CORIN: variants seen among roughly 807,000 people sequenced by gnomAD.
CORIN encodes corin, serine peptidase, also known as atrial natriuretic peptide-converting enzyme.
CORIN carries 117 observed loss-of-function variants against 125.3 expected under a neutral mutation model. The ratio of observed to expected loss-of-function variants is 0.93; its 90% CI spans 0.80 to 1.09. The LOEUF (loss-of-function observed/expected upper bound fraction) is 1.09. Among genes scored for constraint, CORIN ranks in the 50% least tolerant of loss-of-function variants. The pLI is 0.00. For synonymous variants in CORIN, 450 were observed against 466.4 expected (o/e 0.96, Z 0.45); for missense variants, 1,253 against 1,306.7 (o/e 0.96, Z 0.63).
intron 4 of CORIN, among the ~76,000 whole-genome samples, chr4:47,754,617 A>C (rs1028125673): frequency 1.3e-5 from 2 of 152,032 alleles, no homozygotes; most frequent in African/African-American, 4.8e-5. Context: ...TGTTTAAGCA[A>C]AGACCAATCC....
chr4:47,758,204 C>A (rs576050853), intron 4 of CORIN, among the ~76,000 whole-genome samples: 3 of 151,880 alleles, frequency 2.0e-5, no homozygotes, highest in African/African-American at 4.8e-5. Context: ...TGAGCCACCA[C>A]GCCCAGCCTG....
At chr4:47,709,715 T>G (rs1196816328) in intron 5 of CORIN, among the ~76,000 whole-genome samples, 2 of 152,228 alleles carry the variant, frequency 1.3e-5, no homozygotes, top group African/African-American at 4.8e-5. Flanking sequence ...TCTTACTCAA[T>G]GTTTTGAAAA....
chr4:47,678,322 TA>T (rs1381816568), intron 8 of CORIN, among the ~76,000 whole-genome samples: 1 of 152,234 alleles, frequency 6.6e-6, no homozygotes, highest in African/African-American at 2.4e-5. Context: ...TGACAATTTG[TA>T]AAGGGTTCAT....
intron 13 of CORIN, among the ~76,000 whole-genome samples, chr4:47,649,771 C>T (rs762644845): frequency 6.6e-6 from 1 of 152,156 alleles, no homozygotes; most frequent in Non-Finnish European, 1.5e-5. Context: ...AGAAAATTTC[C>T]CCCTTAACAT....
intron 5 of CORIN, among the ~76,000 whole-genome samples, chr4:47,741,421 A>G (rs1020302141): frequency 6.6e-6 from 1 of 152,070 alleles, no homozygotes. Flanking sequence ...AGCTATAAAC[A>G]AAAGAGACAA....
chr4:47,829,921 G>A (rs1463360281), intron 1 of CORIN, among the ~76,000 whole-genome samples: 1 of 152,124 alleles, frequency 6.6e-6, no homozygotes, highest in Non-Finnish European at 1.5e-5. Context: ...GGATCTAAAA[G>A]GTTAACTGAC....
chr4:47,649,313 T>C (rs1372270963), intron 13 of CORIN, among the ~76,000 whole-genome samples: 2 of 152,234 alleles, frequency 1.3e-5, no homozygotes, highest in South Asian at 2.1e-4. Context: ...ACCATCCATC[T>C]ACCTGAGTTT....
intron 6 of CORIN, among the ~76,000 whole-genome samples, chr4:47,690,312 C>T (rs1725710787): frequency 6.6e-6 from 1 of 152,186 alleles, no homozygotes; most frequent in Non-Finnish European, 1.5e-5. Flanking sequence ...TTTAGCGAAT[C>T]ATGGGCAAAT....
At chr4:47,771,079 A>C (rs1014198249) in intron 3 of CORIN, among the ~76,000 whole-genome samples, 1 of 152,160 alleles carries the variant, frequency 6.6e-6, no homozygotes, top group Non-Finnish European at 1.5e-5. Flanking sequence ...AAACAGATCC[A>C]AGTGATGTTA....
At chr4:47,598,365 A>G (rs1454453448) in intron 21 of CORIN, among the ~76,000 whole-genome samples, 1 of 152,234 alleles carries the variant, frequency 6.6e-6, no homozygotes, top group Non-Finnish European at 1.5e-5. Context: ...TCTGGTATGC[A>G]TTTAGTATAC....
At chr4:47,623,117 T>TATATATACACACAC (rs141525347) in intron 19 of CORIN, among the ~76,000 whole-genome samples, 2 of 134,550 alleles carry the variant, frequency 1.5e-5, no homozygotes, top group East Asian at 2.3e-4. Context: ...TATATATATA[T>TATATATACACACAC]ACACACACAC....
chr4:47,808,651 T>A (rs180865773), intron 1 of CORIN, among the ~76,000 whole-genome samples: 1 of 152,326 alleles, frequency 6.6e-6, no homozygotes, highest in Admixed American at 6.5e-5. Flanking sequence ...TGGATTAAGC[T>A]ACCAGCCAAT....
intron 1 of CORIN, 86 bp downstream of exon 1, chr4:47,837,801 G>C: frequency 1.7e-6 from 2 of 1,188,934 alleles, no homozygotes; most frequent in South Asian, 2.4e-5. Flanking sequence ...GGAGAGGACG[G>C]GGGCGGGAGG....
intron 17 of CORIN, 104 bp downstream of exon 17, chr4:47,626,301 T>G (rs969163158): frequency 2.7e-6 from 2 of 735,478 alleles, no homozygotes; most frequent in African/African-American, 3.5e-5. Context: ...TTTACTGATA[T>G]GACAAATTTG....
At chr4:47,831,728 G>A (rs760020670) in intron 1 of CORIN, among the ~76,000 whole-genome samples, 93 of 152,208 alleles carry the variant, frequency 6.1e-4, no homozygotes, top group Non-Finnish European at 7.5e-4. Flanking sequence ...TCTGTAATGG[G>A]TTGAATAGTG....
chr4:47,700,782 A>C (rs1726250934), intron 5 of CORIN, among the ~76,000 whole-genome samples: 1 of 152,118 alleles, frequency 6.6e-6, no homozygotes, highest in Non-Finnish European at 1.5e-5. Context: ...CTGCTATATA[A>C]TGGGAAGGCC....
rs745339956 is a variant in CORIN, at chr4:47,807,042, C to T, written c.69G>A (p.Leu23=). Residue 23 remains leucine, a synonymous_variant, in exon 2 of 22, where the codon TTG becomes TTA. Coordinates refer to ENST00000273857, the MANE Select transcript of CORIN (RefSeq NM_006587.4). ...CRRAGSPKPV[L]RADDNNMGNG... is the part of the protein sequence containing the mutation. Reference sequence around the variant, plus strand: ...TGCCCATGTTATTGTCATCAGCTCTCAAGACCTAAAGTAAAAGAGGAAAAT... The same window carrying T: ...TGCCCATGTTATTGTCATCAGCTCTTAAGACCTAAAGTAAAAGAGGAAAAT... 6.2e-7 allele frequency: 1 copy of T among 1,605,380 alleles called. No homozygotes were observed. Among genetic ancestry groups the T allele is most frequent in the Non-Finnish European group, 8.5e-7 (1 of 1,177,764 alleles).
At chr4:47,672,356 A>T (rs879789814) in intron 10 of CORIN, among the ~76,000 whole-genome samples, 2 of 152,222 alleles carry the variant, frequency 1.3e-5, no homozygotes, top group Non-Finnish European at 2.9e-5. Flanking sequence ...ATATAGAGAA[A>T]ATAGGATAAC....
intron 9 of CORIN, among the ~76,000 whole-genome samples, chr4:47,676,346 A>C (rs1415488406): frequency 6.6e-6 from 1 of 151,936 alleles, no homozygotes; most frequent in Admixed American, 6.6e-5. Flanking sequence ...CTTGTGTCTC[A>C]ATTGCTTTTT....
Sources: allele counts gnomAD v4.1 joint callset (sites outside exome capture counted in the v4.1 genomes callset), GRCh38; gene constraint gnomAD v4.1.1; transcripts MANE v1.5; gene names NCBI Gene and HGNC (gene_info 2026-07-23, HGNC 2026-07-21).